Variants in RUBCN observed in about 807,000 individuals in gnomAD.
RUBCN encodes rubicon autophagy regulator.
Under a neutral mutation model 113.2 loss-of-function variants are expected in RUBCN, and 74 were observed. The observed-to-expected ratio is 0.65, with a 90% CI of 0.54 to 0.79. The LOEUF is 0.79. Ranked by LOEUF, RUBCN falls within the 30% of genes least tolerant of loss-of-function variation. The pLI is 0.00. For missense variants in RUBCN, 1,109 were observed against 1,251.7 expected (o/e 0.89, Z 1.72); for synonymous variants, 480 against 490.0 (o/e 0.98, Z 0.27).
chr3:197,744,262 A>G (rs1728648150), intron 1 of RUBCN, among the ~76,000 whole-genome samples: 1 of 152,168 alleles, frequency 6.6e-6, no homozygotes, highest in African/African-American at 2.4e-5. Context: ...GTCAAATCCA[A>G]CAACATGTAA....
chr3:197,749,341 G>A (rs924368751), exon 1 of RUBCN: 9 of 1,156,666 alleles, frequency 7.8e-6, no homozygotes, highest in Non-Finnish European at 9.8e-6. Context: ...TGCCGATTGA[G>A]AGAAGGTACA....
chr3:197,732,834 G>A (rs1727674814), intron 1 of RUBCN, among the ~76,000 whole-genome samples: 1 of 152,192 alleles, frequency 6.6e-6, no homozygotes, highest in Admixed American at 6.5e-5. Flanking sequence ...GCCACTGAAA[G>A]AGGAAGAACA....
chr3:197,676,609 G>A, intron 18 of RUBCN: 1 of 1,322,448 alleles, frequency 7.6e-7, no homozygotes, highest in Non-Finnish European at 9.7e-7. Context: ...CACCGTGCCT[G>A]GCCAACACTT....
chr3:197,707,348 C>T (rs1455732970), intron 2 of RUBCN, among the ~76,000 whole-genome samples: 1 of 151,942 alleles, frequency 6.6e-6, no homozygotes, highest in Non-Finnish European at 1.5e-5. Context: ...AAAAGAAAAG[C>T]ATGTAAAATT....
intron 1 of RUBCN, among the ~76,000 whole-genome samples, chr3:197,747,034 C>T (rs1728776183): frequency 1.3e-5 from 2 of 151,960 alleles, no homozygotes; most frequent in East Asian, 3.8e-4. Context: ...CAGGGTTGAC[C>T]TTTTAACCCT....
chr3:197,717,375 C>T (rs137948370), intron 2 of RUBCN, among the ~76,000 whole-genome samples: 4 of 149,212 alleles, frequency 2.7e-5, no homozygotes, highest in East Asian at 4.0e-4. Flanking sequence ...ACCCGGGAGG[C>T]GGAGCTTGCA....
intron 2 of RUBCN, among the ~76,000 whole-genome samples, chr3:197,712,523 A>C (rs980133458): frequency 1.3e-5 from 2 of 152,178 alleles, no homozygotes; most frequent in African/African-American, 2.4e-5. Flanking sequence ...GGAGGAAATG[A>C]AAGCGAAAAA....
Position 197,669,623 on chromosome 3 carries a change from C to CT in RUBCN, c.*5394dup, listed in dbSNP as rs1328321428. ...TAAGGTCGTGTTAGCTCTCTCTACT[C>CT]TAAAGTTGCTATTTTCCTCTTTCTA... On this transcript the variant is annotated 3_prime_UTR_variant, in exon 20 of 20. Coordinates refer to ENST00000296343, the MANE Select transcript of RUBCN (RefSeq NM_014687.4). Among the ~76,000 whole-genome samples, 1 of 152,160 alleles carries CT rather than the reference C, an allele frequency of 6.6e-6. No homozygotes were observed. The highest frequency in any genetic ancestry group is 1.5e-5 in the Non-Finnish European group (1 of 68,028).
chr3:197,709,443 C>A (rs886714174), intron 2 of RUBCN, among the ~76,000 whole-genome samples: 3 of 152,108 alleles, frequency 2.0e-5, no homozygotes, highest in Admixed American at 6.6e-5. Flanking sequence ...TGCAATGGCG[C>A]GATCTCGGCT....
chr3:197,713,523 T>C (rs1219524986), intron 2 of RUBCN, among the ~76,000 whole-genome samples: 2 of 152,072 alleles, frequency 1.3e-5, no homozygotes, highest in Non-Finnish European at 2.9e-5. Flanking sequence ...ATGCCACAAA[T>C]AGGAAGAAGG....
intron 1 of RUBCN, among the ~76,000 whole-genome samples, chr3:197,743,428 G>A (rs1247873710): frequency 2.0e-5 from 3 of 152,154 alleles, no homozygotes; most frequent in Non-Finnish European, 4.4e-5. Context: ...GGAGGACCTC[G>A]AACTCTGTTG....
intron 1 of RUBCN, among the ~76,000 whole-genome samples, chr3:197,732,109 G>A (rs1231446682): frequency 6.6e-6 from 1 of 152,210 alleles, no homozygotes; most frequent in Non-Finnish European, 1.5e-5. Flanking sequence ...GTTTGGAGAT[G>A]CTAAAACGGA....
intron 4 of RUBCN, among the ~76,000 whole-genome samples, chr3:197,703,980 G>A (rs1723999185): frequency 6.6e-6 from 1 of 152,188 alleles, no homozygotes; most frequent in African/African-American, 2.4e-5. Context: ...AGCAGTGACG[G>A]GCACACAGGA....
At chr3:197,711,634 AC>A (rs1383132427) in intron 2 of RUBCN, among the ~76,000 whole-genome samples, 2 of 152,096 alleles carry the variant, frequency 1.3e-5, no homozygotes, top group Non-Finnish European at 2.9e-5. Context: ...GGAGCTTGAG[AC>A]CAGCCTGGGC....
intron 11 of RUBCN, among the ~76,000 whole-genome samples, chr3:197,690,863 T>C (rs184944207): frequency 7.2e-5 from 11 of 152,340 alleles, no homozygotes; most frequent in African/African-American, 1.4e-4. Context: ...GTGAGGAAGA[T>C]TGTTGGGGTC....
At chr3:197,727,502 C>G (rs1726895973) in intron 1 of RUBCN, among the ~76,000 whole-genome samples, 1 of 152,182 alleles carries the variant, frequency 6.6e-6, no homozygotes, top group South Asian at 2.1e-4. Context: ...AAAGAAAATT[C>G]TGCCAAAAAT....
At chr3:197,721,672 G>C (rs80207670) in intron 1 of RUBCN, among the ~76,000 whole-genome samples, 220 of 151,742 alleles carry the variant, frequency 1.4e-3, no homozygotes, top group African/African-American at 4.9e-3. Flanking sequence ...CTAGTTTCTT[G>C]AGGTGCAACA....
At chr3:197,691,706 C>T (rs772219018) in intron 11 of RUBCN, among the ~76,000 whole-genome samples, 52 of 152,128 alleles carry the variant, frequency 3.4e-4, no homozygotes, top group Admixed American at 1.8e-3. Context: ...CACAGCTTCC[C>T]GGATCCCTGC....
chr3:197,694,089 C>T (rs1189806345), intron 10 of RUBCN: 1 of 582,024 alleles, frequency 1.7e-6, no homozygotes, highest in Admixed American at 2.3e-5. Context: ...TGGGGTTTCA[C>T]CATGTTGGCC....
Sources: gnomAD v4.1 joint callset for allele counts (sites outside exome capture counted in the v4.1 genomes callset) on GRCh38, gnomAD v4.1.1 for gene constraint, MANE v1.5 for transcripts, NCBI Gene and HGNC (gene_info 2026-07-23, HGNC 2026-07-21) for gene names.